The following VPS13D variants were observed in gnomAD, a reference collection of about 807,000 sequenced individuals.
VPS13D encodes intermembrane lipid transfer protein VPS13D.
VPS13D carries 187 observed loss-of-function variants against 461.9 expected under a neutral mutation model. That is an observed-to-expected ratio of 0.40 (90% CI 0.36 to 0.46). The LOEUF (loss-of-function observed/expected upper bound fraction) is 0.46. Ranked by LOEUF, VPS13D falls within the 20% of genes least tolerant of loss-of-function variation. The pLI is 0.60. For missense variants in VPS13D, 4,711 were observed against 5,364.9 expected, an observed-to-expected ratio of 0.88 and a Z score of 3.81; for synonymous variants, 1,951 against 1,986.3, an observed-to-expected ratio of 0.98 and a Z score of 0.47.
chr1:12,411,612 A>G (rs997324513), intron 63 of VPS13D, among the ~76,000 whole-genome samples: 1 of 152,240 alleles, frequency 6.6e-6, no homozygotes, highest in African/African-American at 2.4e-5. Flanking sequence ...TGTGTAACAA[A>G]TGACGCCAAA....
At chr1:12,330,110 G>T (rs1643292605) in intron 37 of VPS13D, among the ~76,000 whole-genome samples, 192 bp downstream of exon 37, 1 of 152,174 alleles carries the variant, frequency 6.6e-6, no homozygotes, top group Non-Finnish European at 1.5e-5. Context: ...TATCTGATAT[G>T]TTGCAACTAA....
intron 65 of VPS13D, among the ~76,000 whole-genome samples, chr1:12,439,435 C>T (rs908440717): frequency 8.6e-5 from 13 of 151,624 alleles, no homozygotes; most frequent in African/African-American, 2.9e-4. Flanking sequence ...ACATCCCCTC[C>T]CCCATCTAAA....
intron 6 of VPS13D, among the ~76,000 whole-genome samples, chr1:12,250,278 C>T (rs1203663940): frequency 6.6e-6 from 1 of 152,208 alleles, no homozygotes; most frequent in Non-Finnish European, 1.5e-5. Flanking sequence ...GCCCAACCCT[C>T]TAATTACTTG....
intron 68 of VPS13D, among the ~76,000 whole-genome samples, chr1:12,506,408 G>A (rs989780524): frequency 4.6e-5 from 7 of 152,222 alleles, no homozygotes; most frequent in Admixed American, 2.6e-4. Flanking sequence ...AGAGAGGGAG[G>A]AAGCGGATGG....
At chr1:12,248,268 T>G (rs879702143) in intron 5 of VPS13D, among the ~76,000 whole-genome samples, 9 of 152,168 alleles carry the variant, frequency 5.9e-5, no homozygotes, top group Admixed American at 3.9e-4. Context: ...GAATACCAGA[T>G]TCTTATCAGA....
chr1:12,293,841 C>A, intron 24 of VPS13D, 137 bp downstream of exon 24: 3 of 860,292 alleles, frequency 3.5e-6, no homozygotes, highest in Non-Finnish European at 5.1e-6. Context: ...TAGCTACAGA[C>A]ATCTTTGTGT....
At chr1:12,270,944 A>T (rs775148160) in intron 16 of VPS13D, 50 bp from the exon 17 acceptor site, 1 of 1,601,598 alleles carries the variant, frequency 6.2e-7, no homozygotes, top group South Asian at 1.1e-5. Flanking sequence ...ACTTTTGTTC[A>T]CCCAGCCGTG....
At chr1:12,236,833 T>C (rs1406717473) in intron 2 of VPS13D, among the ~76,000 whole-genome samples, 4 of 152,120 alleles carry the variant, frequency 2.6e-5, no homozygotes, top group African/African-American at 9.7e-5. Flanking sequence ...GTAACCTGGG[T>C]AGGTTATCAG....
At chr1:12,357,037 A>G (rs76269460) in intron 49 of VPS13D, among the ~76,000 whole-genome samples, 4,320 of 152,334 alleles carry the variant, frequency 0.028, 110 homozygotes, top group African/African-American at 0.061. Context: ...AGCAGGGACA[A>G]AAAACAACTG....
rs1641708747 is a variant in VPS13D at position 12,279,300 on chromosome 1, A to G, written c.4451-199A>G. Among the ~76,000 whole-genome samples, 1 of 152,138 alleles carries G rather than the reference A, an allele frequency of 6.6e-6. No homozygotes were observed. The highest frequency in any genetic ancestry group is 6.6e-5 in the Admixed American group (1 of 15,262). ...CTTTTTTTGTGTAAATGTATCTTGTACCTCAGCTTGCTATGAGTTTTGGCC... is the reference window on the plus strand; with the variant it reads ...CTTTTTTTGTGTAAATGTATCTTGTGCCTCAGCTTGCTATGAGTTTTGGCC... On this transcript the variant is annotated intron_variant, in intron 19 of 69. Coordinates refer to ENST00000620676, the MANE Select transcript of VPS13D (RefSeq NM_015378.4). The surrounding 1 kb of genome is among the most constrained non-coding windows in gnomAD (Gnocchi z 4.3).
chr1:12,271,585 C>T (rs1432730077), intron 17 of VPS13D, among the ~76,000 whole-genome samples: 1 of 152,100 alleles, frequency 6.6e-6, no homozygotes, highest in Non-Finnish European at 1.5e-5. Context: ...AGGAGAATCA[C>T]TTGAACCTGG....
At chr1:12,282,442 CTT>C (rs774213580) in intron 20 of VPS13D, among the ~76,000 whole-genome samples, 1 of 152,112 alleles carries the variant, frequency 6.6e-6, no homozygotes, top group Admixed American at 6.5e-5. Context: ...GAAAAAGTGA[CTT>C]TGTTGATTCA....
chr1:12,373,695 G>A (rs1427919277), intron 54 of VPS13D, 55 bp from the exon 55 acceptor site: 2 of 1,024,770 alleles, frequency 2.0e-6, no homozygotes, highest in Non-Finnish European at 2.5e-6. Context: ...GTGAGTATGT[G>A]TGTGTATACC....
rs764278275 is a variant in VPS13D, at chr1:12,249,269, A to G, written c.494A>G (p.Asn165Ser). 68 of 1,613,886 alleles carry G rather than the reference A, an allele frequency of 4.2e-5. No individual in the cohort carries two copies. Among genetic ancestry groups the G allele is most frequent in the Non-Finnish European group, 5.3e-5 (63 of 1,180,010 alleles). ...VHLRFEDGVTNPSHPFAFGIC... is the reference protein window; with the variant it reads ...VHLRFEDGVTSPSHPFAFGIC... ...TTACGCTTTGAAGATGGTGTCACCA[A>G]TCCCTCCCATCCTTTTGCTTTTGGC... The change falls in exon 6 of 70, where the codon AAT becomes AGT. Residue 165 changes from asparagine to serine, a missense_variant. Asn to Ser is a conservative substitution (Grantham distance 46, BLOSUM62 1). Coordinates refer to ENST00000620676, the MANE Select transcript of VPS13D (RefSeq NM_015378.4).
intron 24 of VPS13D, among the ~76,000 whole-genome samples, chr1:12,298,572 G>A (rs537754464): frequency 1.3e-5 from 2 of 152,050 alleles, no homozygotes; most frequent in East Asian, 3.9e-4. Flanking sequence ...AGGCCAGGAG[G>A]TGGAGTTTGT....
rs554863733 is a variant in VPS13D at position 12,279,191 on chromosome 1, A to G, written c.4451-308A>G. Among the ~76,000 whole-genome samples the G allele has an allele frequency of 6.6e-6, 1 of 152,364 alleles. No homozygotes were observed. Among genetic ancestry groups the G allele is most frequent in the African/African-American group, 2.4e-5 (1 of 41,590 alleles). On this transcript the variant is annotated intron_variant, in intron 19 of 69. Transcript: ENST00000620676. This position sits in a 1 kb window ranked among gnomAD's most constrained non-coding sequence, Gnocchi z 4.3. ...GCCAGCTTGGGTGGCTCAGAGAAGC[A>G]TAATGTAGTCTCTGGACTGGAATAA...
chr1:12,363,174 A>G lies in VPS13D; in HGVS notation c.10375A>G (p.Met3459Val). Reference sequence around the variant, plus strand: ...TGATCAGCTATTGTGTGTCAGACTGATGGACGTTCCCAATTGTATTTGGTC... The same window carrying G: ...TGATCAGCTATTGTGTGTCAGACTGGTGGACGTTCCCAATTGTATTTGGTC... ...DYDQLLCVRL[M>V]DVPNCIWSGG... Residue 3459 changes from methionine (M) to valine (V), a missense_variant, in exon 52 of 70, where the codon ATG becomes GTG. Physicochemically the swap from Met to Val is conservative, Grantham distance 21. This residue lies in a region of VPS13D where 4,411 missense variants were observed against 4,937.8 expected (regional missense o/e 0.89). Coordinates refer to ENST00000620676, the MANE Select transcript of VPS13D (RefSeq NM_015378.4). The G allele has an allele frequency of 6.2e-7, 1 of 1,614,190 alleles. No individual in the cohort carries two copies. Among genetic ancestry groups the G allele is most frequent in the Non-Finnish European group, 8.5e-7 (1 of 1,180,040 alleles).
chr1:12,283,529 C>T lies in VPS13D; in HGVS notation c.5427C>T (p.Ser1809=). The change falls in exon 21 of 70, where the codon AGC becomes AGT. Residue 1809 remains serine, a synonymous_variant. Transcript: ENST00000620676. ...CCAGTTACAATCGAGTTAACCGGAG[C>T]ATTGATGTTGATTTTAATTGCTTGG... The part of the protein sequence containing the change: ...FSSSYNRVNR[S]IDVDFNCLDV... The T allele has an allele frequency of 6.2e-7, 1 of 1,614,202 alleles. No homozygotes were observed. Among genetic ancestry groups the T allele is most frequent in the South Asian group, 1.1e-5 (1 of 91,090 alleles).
rs747056180 is a variant in VPS13D at position 12,341,824 on chromosome 1, G to T, written c.8671G>T (p.Ala2891Ser). 23 of 1,613,988 alleles carry T rather than the reference G, an allele frequency of 1.4e-5. No homozygotes were observed. Among genetic ancestry groups the T allele is most frequent in the Non-Finnish European group, 1.9e-5 (22 of 1,179,978 alleles). The change falls in exon 41 of 70, where the codon GCT becomes TCT. Residue 2891 changes from alanine (A) to serine (S), a missense_variant. This residue lies in a region of VPS13D where 4,411 missense variants were observed against 4,937.8 expected (regional missense o/e 0.89). Coordinates refer to ENST00000620676, the MANE Select transcript of VPS13D (RefSeq NM_015378.4). ...PKRRQPFVPFALRNHTGCTLW... is the reference protein window; with the variant it reads ...PKRRQPFVPFSLRNHTGCTLW... ...GCGCCGGCAGCCATTTGTCCCCTTT[G>T]CTCTGAGGAACCACACGGGGTGCAC... is the stretch of plus-strand genomic sequence containing the variant.
Sources: allele counts gnomAD v4.1 joint callset (sites outside exome capture counted in the v4.1 genomes callset), GRCh38; gene constraint gnomAD v4.1.1; regional missense constraint gnomAD v4.1.1; non-coding constraint Gnocchi (gnomAD v3.1); transcripts MANE v1.5; gene names NCBI Gene and HGNC (gene_info 2026-07-23, HGNC 2026-07-21).